The following NBPF15 variants were observed in gnomAD, a reference collection of about 807,000 sequenced individuals.
The protein encoded by NBPF15 is NBPF family member NBPF15.
In NBPF15, 74 loss-of-function variants were observed where a neutral mutation model predicts 62.2. The observed-to-expected ratio is 1.19, with a 90% CI of 0.99 to 1.44. The LOEUF (loss-of-function observed/expected upper bound fraction) is 1.44. NBPF15 is among the 40% of genes most tolerant of loss of function. The probability of loss-of-function intolerance (pLI) is 0.00; values close to 1 mark genes in which losing one functional copy is unlikely to be tolerated. For synonymous variants in NBPF15, 244 were observed against 209.7 expected (o/e 1.16, Z -1.41); for missense variants, 790 against 550.0 (o/e 1.44, Z -4.36).
rs1348659554 is a variant in NBPF15, at chr1:144,421,728, T to C, written c.*1285A>G. 5 of 147,126 alleles carry C rather than the reference T, an allele frequency of 3.4e-5. No homozygotes were observed. The highest frequency in any genetic ancestry group is 7.7e-5 in the African/African-American group (3 of 39,180). 9.1% of individuals were successfully genotyped at this position (147,126 alleles called of 1,614,324 possible). On this transcript the variant is annotated 3_prime_UTR_variant, in exon 22 of 22. Transcript: ENST00000581897. ...AGAGGATGATCATTAGAATACAGGA[T>C]ATTTATACTCTTGAAAACCGCTTTC...
intron 13 of NBPF15, among the ~76,000 whole-genome samples, chr1:144,432,285 C>A (rs1237206571): frequency 1.3e-5 from 2 of 151,592 alleles, no homozygotes; most frequent in African/African-American, 2.4e-5. Context: ...ACCAGGCCTG[C>A]CTTACAAGAG....
intron 1 of NBPF15, 103 bp from the exon 2 acceptor site, chr1:144,461,064 C>T (rs1443943372): frequency 6.6e-6 from 1 of 150,760 alleles, no homozygotes; most frequent in African/African-American, 2.5e-5. Flanking sequence ...CAGAGGCAAC[C>T]GATTTCTGGC....
chr1:144,457,682 T>G (rs1553547391), intron 3 of NBPF15, among the ~76,000 whole-genome samples: 1 of 151,922 alleles, frequency 6.6e-6, no homozygotes, highest in Non-Finnish European at 1.5e-5. Flanking sequence ...ATGTTGAAAA[T>G]GAGATTGAAC....
intron 21 of NBPF15, 97 bp from the exon 22 acceptor site, chr1:144,423,353 A>G: frequency 6.2e-7 from 1 of 1,606,402 alleles, no homozygotes; most frequent in Non-Finnish European, 8.5e-7. Flanking sequence ...GTGGTTAGAA[A>G]AGAAAAAGGA....
chr1:144,457,881 G>T (rs1649291933), intron 3 of NBPF15, among the ~76,000 whole-genome samples: 1 of 151,928 alleles, frequency 6.6e-6, no homozygotes, highest in East Asian at 1.9e-4. Context: ...TTTGAGCCCA[G>T]GAGTTTGAAA....
chr1:144,427,009 C>G (rs1283924232), intron 17 of NBPF15, 38 bp downstream of exon 17: 12 of 760,306 alleles, frequency 1.6e-5, no homozygotes, highest in Admixed American at 8.6e-5. Context: ...CTCCAGGTGT[C>G]AACACACAAT....
intron 4 of NBPF15, among the ~76,000 whole-genome samples, chr1:144,453,638 C>CAAA (rs200525708): frequency 4.4e-4 from 16 of 36,404 alleles, no homozygotes; most frequent in East Asian, 1.2e-3. Context: ...CAACACAAAG[C>CAAA]AAAAAAAAAA....
rs587710098 is a variant in NBPF15 at position 144,457,923 on chromosome 1, A to G, written c.-700-1118T>C. On this transcript the variant is annotated intron_variant, in intron 3 of 21. Coordinates refer to ENST00000581897, the MANE Select transcript of NBPF15 (RefSeq NM_001385408.1). The stretch of plus-strand genomic sequence containing the variant: ...TGAGCACTACAGGAAAACCCTGTCT[A>G]CAAAAAATAGAAAATTAGCCGGGCA... Among the ~76,000 whole-genome samples the G allele has an allele frequency of 5.4e-3, 827 of 152,002 alleles. 6 individuals are homozygous for G. The highest frequency in any genetic ancestry group is 0.024 in the Middle Eastern group (7 of 294).
At chr1:144,446,014 C>T (rs1687292754) in intron 6 of NBPF15, among the ~76,000 whole-genome samples, 1 of 148,410 alleles carries the variant, frequency 6.7e-6, no homozygotes, top group South Asian at 2.2e-4. Context: ...TGCCACCATG[C>T]CTAGCTAATT....
At chr1:144,450,223 G>T (rs587758472) in intron 5 of NBPF15, among the ~76,000 whole-genome samples, 1,977 of 126,556 alleles carry the variant, frequency 0.016, 41 homozygotes, top group African/African-American at 0.061. Flanking sequence ...AGATGGTGAG[G>T]TTACCGCATG....
Position 144,458,941 on chromosome 1 carries a change from T to C in NBPF15, c.-701+425A>G, listed in dbSNP as rs1311714308. 6.6e-5 allele frequency among the ~76,000 whole-genome samples: 10 copies of C among 151,412 alleles called. No homozygotes were observed. In the East Asian group the frequency reaches 1.8e-3, roughly 27 times the overall value. ...CTATAGTCGCAGCTACTCAGGAGGC[T>C]GAGGTGGGAGGATCGCTTGAGCCAG... On this transcript the variant is annotated intron_variant, in intron 3 of 21. Coordinates refer to ENST00000581897, the MANE Select transcript of NBPF15 (RefSeq NM_001385408.1).
intron 20 of NBPF15, 52 bp from the exon 21 acceptor site, chr1:144,424,027 T>G (rs200142803): frequency 3.9e-6 from 3 of 760,594 alleles, no homozygotes; most frequent in African/African-American, 1.7e-5. Flanking sequence ...CCCCTACACA[T>G]ATAACAATCC....
intron 10 of NBPF15, among the ~76,000 whole-genome samples, chr1:144,436,255 C>G (rs1305379362): frequency 2.0e-5 from 3 of 151,998 alleles, no homozygotes; most frequent in African/African-American, 7.2e-5. Context: ...CCACAGTCCT[C>G]TATGCATCAG....
chr1:144,436,520 C>T (rs1678500916), intron 10 of NBPF15, among the ~76,000 whole-genome samples: 1 of 151,966 alleles, frequency 6.6e-6, no homozygotes, highest in African/African-American at 2.4e-5. Context: ...ACAAGTCATT[C>T]ACTCTCTGAC....
intron 4 of NBPF15, among the ~76,000 whole-genome samples, 172 bp from the exon 5 acceptor site, chr1:144,451,042 A>T (rs144515077): frequency 6.6e-6 from 1 of 152,012 alleles, no homozygotes; most frequent in African/African-American, 2.4e-5. Context: ...GACCCATGCC[A>T]GCACTGGCCT....
intron 4 of NBPF15, among the ~76,000 whole-genome samples, chr1:144,455,379 C>T (rs781843354): frequency 4.6e-5 from 7 of 152,040 alleles, no homozygotes; most frequent in African/African-American, 1.4e-4. Context: ...TTAACAGGAA[C>T]ACGCTAACTA....
intron 6 of NBPF15, among the ~76,000 whole-genome samples, chr1:144,447,141 T>C (rs1688139504): frequency 6.6e-6 from 1 of 152,274 alleles, no homozygotes. Flanking sequence ...CAGAACCCTG[T>C]TGTTCTGACA....
rs1553538574 is a variant in NBPF15 at position 144,423,193 on chromosome 1, A to T, written c.1833T>A (p.Cys611Ter). 1.9e-6 allele frequency: 3 copies of T among 1,611,642 alleles called. No homozygotes were observed. Among genetic ancestry groups the T allele is most frequent in the South Asian group, 2.2e-5 (2 of 90,976 alleles). Reference sequence around the variant, plus strand: ...CAAAGTACATTGACGGAGTCGAATAACATCTATCCAGTGAGTCCTGTAAGA... The same window carrying T: ...CAAAGTACATTGACGGAGTCGAATATCATCTATCCAGTGAGTCCTGTAAGA... ...PEVLQDSLDR[C>*]YSTPSMYFEQ... is the part of the protein sequence containing the mutation. Residue 611 changes from cysteine to a stop codon, truncating the protein, a stop_gained, in exon 22 of 22, where the codon TGT (cysteine) becomes TGA (stop). Coordinates refer to ENST00000581897, the MANE Select transcript of NBPF15 (RefSeq NM_001385408.1). LOFTEE classifies it high-confidence loss of function.
chr1:144,454,464 G>T (rs1348431020), intron 4 of NBPF15, among the ~76,000 whole-genome samples: 1 of 111,176 alleles, frequency 9.0e-6, no homozygotes, highest in East Asian at 2.4e-4. Context: ...CTGTGTGCTG[G>T]AGGACAGGGG....
Sources: gnomAD v4.1 joint callset for allele counts (sites outside exome capture counted in the v4.1 genomes callset) on GRCh38, gnomAD v4.1.1 for gene constraint, MANE v1.5 for transcripts, NCBI Gene and HGNC (gene_info 2026-07-23, HGNC 2026-07-21) for gene names.